The following ERICH6B variants were observed in gnomAD, a reference collection of about 807,000 sequenced individuals.
ERICH6B encodes glutamate-rich protein 6B.
A neutral mutation model predicts 80.0 loss-of-function variants in ERICH6B; 69 were observed. That is an observed-to-expected ratio of 0.86 (90% CI 0.71 to 1.05). ERICH6B has a LOEUF of 1.05. Among genes scored for constraint, ERICH6B ranks in the 50% least tolerant of loss-of-function variants. The pLI, the probability that ERICH6B is intolerant of heterozygous loss-of-function variation, is 0.00. For missense variants in ERICH6B, 754 were observed against 796.1 expected (o/e 0.95, Z 0.64); for synonymous variants, 283 against 291.9 (o/e 0.97, Z 0.31).
At chr13:45,574,316 C>T (rs1011997867) in intron 8 of ERICH6B, among the ~76,000 whole-genome samples, 1 of 152,216 alleles carries the variant, frequency 6.6e-6, no homozygotes, top group Non-Finnish European at 1.5e-5. Flanking sequence ...ATAGGCAAAA[C>T]ATTCATGTGG....
intron 12 of ERICH6B, 52 bp from the exon 13 acceptor site, chr13:45,550,097 G>T (rs1339573920): frequency 3.9e-6 from 6 of 1,546,618 alleles, no homozygotes; most frequent in Non-Finnish European, 4.4e-6. Context: ...CCCTGGAAAA[G>T]GTAGGGCCCT....
chr13:45,549,103 G>A (rs1874104438), intron 13 of ERICH6B, among the ~76,000 whole-genome samples: 1 of 152,108 alleles, frequency 6.6e-6, no homozygotes, highest in Admixed American at 6.6e-5. Flanking sequence ...GGCCAACATG[G>A]TGAAACACCA....
chr13:45,598,759 G>A lies in ERICH6B; in HGVS notation c.-58-1696C>T, dbSNP rs565613003. Reference sequence around the variant, plus strand: ...TTCAAAGAAGGACTTGCCGCCCAGCGGTGAGGAGTGTGGTCAACAGGTGGC... The same window carrying A: ...TTCAAAGAAGGACTTGCCGCCCAGCAGTGAGGAGTGTGGTCAACAGGTGGC... On this transcript the variant is annotated intron_variant, in intron 2 of 14. Coordinates refer to ENST00000298738, the MANE Select transcript of ERICH6B (RefSeq NM_182542.3). 4.6e-5 allele frequency among the ~76,000 whole-genome samples: 7 copies of A among 152,276 alleles called. No individual in the cohort carries two copies. In the South Asian group the frequency reaches 1.2e-3, roughly 27 times the overall value.
chr13:45,596,317 C>T (rs1031046745), intron 3 of ERICH6B, 52 bp downstream of exon 3: 4 of 1,499,828 alleles, frequency 2.7e-6, no homozygotes, highest in Non-Finnish European at 3.6e-6. Flanking sequence ...ACCTTCTTTC[C>T]CTTTCAGATA....
chr13:45,559,685 C>T (rs1054411702), intron 11 of ERICH6B, among the ~76,000 whole-genome samples: 1 of 152,224 alleles, frequency 6.6e-6, no homozygotes, highest in East Asian at 1.9e-4. Context: ...TATTTAATTT[C>T]CATATATTTG....
Position 45,561,490 on chromosome 13 carries a change from T to C in ERICH6B, c.1286A>G (p.His429Arg). 1.9e-6 allele frequency: 3 copies of C among 1,551,944 alleles called. No homozygotes were observed. The highest frequency in any genetic ancestry group is 2.4e-5 in the South Asian group (2 of 84,064). ...KLTEMTSFTF[H>R]LMSKPTPEKP... ...CTCAGGTGTTGGTTTGCTCATTAAA[T>C]GAAATGTGAAACTGGTCATCTCTGT... The change falls in exon 11 of 15, where the codon CAT (histidine) becomes CGT (arginine). Residue 429 changes from histidine (H) to arginine (R), a missense_variant. Transcript: ENST00000298738.
intron 8 of ERICH6B, among the ~76,000 whole-genome samples, chr13:45,570,090 C>T (rs1006776802): frequency 1.3e-5 from 2 of 152,202 alleles, no homozygotes; most frequent in Non-Finnish European, 2.9e-5. Flanking sequence ...CCACCCCACT[C>T]TATGCAGCCA....
chr13:45,591,825 T>G (rs1221821363), intron 3 of ERICH6B, among the ~76,000 whole-genome samples: 2 of 152,202 alleles, frequency 1.3e-5, no homozygotes, highest in Non-Finnish European at 2.9e-5. Context: ...TAGCTTTATT[T>G]ATATTTGAAT....
In ERICH6B at chr13:45,563,731, A is replaced by C; in HGVS notation, c.1245T>G (p.Arg415=). 1 of 1,552,266 alleles carries C rather than the reference A, an allele frequency of 6.4e-7. No homozygotes were observed. Among genetic ancestry groups the C allele is most frequent in the Non-Finnish European group, 8.7e-7 (1 of 1,147,094 alleles). ...AAATGGTGGAGTGGTGCCTACCTTC[A>C]CGTCTCCTCTTAATCCGTAAGATTG... ...KETILRIKRR[R]EAQKLTEMTS... Residue 415 remains arginine (R), a synonymous_variant, in exon 10 of 15, where the codon CGT becomes CGG. Coordinates refer to ENST00000298738, the MANE Select transcript of ERICH6B (RefSeq NM_182542.3).
rs149833217 is a variant in ERICH6B at position 45,583,565 on chromosome 13, T to C, written c.857-2900A>G. Reference sequence around the variant, plus strand: ...TTCCCCATCTGATATGGTTTGGCTGTGTCCCTACCCAAATCTCATCTTGAA... The same window carrying C: ...TTCCCCATCTGATATGGTTTGGCTGCGTCCCTACCCAAATCTCATCTTGAA... On this transcript the variant is annotated intron_variant, in intron 5 of 14. Transcript: ENST00000298738. Among the ~76,000 whole-genome samples the C allele has an allele frequency of 7.0e-3, 1,063 of 152,364 alleles. 8 individuals are homozygous for C. The highest frequency in any genetic ancestry group is 7.2e-3 in the Non-Finnish European group (492 of 68,040).
chr13:45,591,530 A>T (rs965149777), intron 3 of ERICH6B, among the ~76,000 whole-genome samples: 12 of 152,200 alleles, frequency 7.9e-5, no homozygotes, highest in African/African-American at 2.9e-4. Context: ...CAGGAGGCGG[A>T]GCTTGCACTG....
chr13:45,580,010 G>A (rs771750644), intron 6 of ERICH6B, 36 bp from the exon 7 acceptor site: 25 of 1,488,306 alleles, frequency 1.7e-5, no homozygotes, highest in African/African-American at 2.8e-5. Context: ...AACAGGATAC[G>A]GTATAGTGAA....
chr13:45,569,112 G>A (rs1875044443), intron 8 of ERICH6B, among the ~76,000 whole-genome samples: 1 of 151,962 alleles, frequency 6.6e-6, no homozygotes, highest in African/African-American at 2.4e-5. Flanking sequence ...TTCTTCCAAA[G>A]TAATGATGTT....
chr13:45,553,230 C>A, intron 11 of ERICH6B: 1 of 205,910 alleles, frequency 4.9e-6, no homozygotes, highest in Non-Finnish European at 1.0e-5. Context: ...TTGAATGTCT[C>A]CAGTGAGGCC....
At chr13:45,591,025 G>C (rs905226881) in intron 3 of ERICH6B, among the ~76,000 whole-genome samples, 1 of 152,124 alleles carries the variant, frequency 6.6e-6, no homozygotes, top group Non-Finnish European at 1.5e-5. Flanking sequence ...GAGGTGCAGG[G>C]GATATATGTA....
chr13:45,574,808 T>G lies in ERICH6B; in HGVS notation c.1050+34A>C, dbSNP rs568485592. The stretch of plus-strand genomic sequence containing the variant: ...GGGCCACCCTACATTTGGAGGAAGC[T>G]GGGGGGGGGGTCTCAAGTTTTTATC... On this transcript the variant is annotated intron_variant, in intron 8 of 14. Transcript: ENST00000298738. The G allele has an allele frequency of 2.8e-5, 37 of 1,330,406 alleles. No homozygotes were observed. The African/African-American group carries it at 4.0e-4, about 15-fold the overall frequency. 82.4% of individuals were successfully genotyped at this position (1,330,406 alleles called of 1,614,324 possible).
In ERICH6B at chr13:45,550,172, G is replaced by T. The variant is rs548140382; in HGVS notation, c.1493+59C>A. The T allele has an allele frequency of 1.0e-4, 154 of 1,535,592 alleles. No individual in the cohort carries two copies. The African/African-American group carries it at 1.7e-3, about 17-fold the overall frequency. On this transcript the variant is annotated intron_variant, in intron 12 of 14. Coordinates refer to ENST00000298738, the MANE Select transcript of ERICH6B (RefSeq NM_182542.3). Reference sequence around the variant, plus strand: ...CAAACCCCTTACCCCATAAAAAATCGTAGACATTTTAGGTGCCAATATATG... The same window carrying T: ...CAAACCCCTTACCCCATAAAAAATCTTAGACATTTTAGGTGCCAATATATG...
At chr13:45,597,838 G>A (rs982074296) in intron 2 of ERICH6B, among the ~76,000 whole-genome samples, 2 of 151,940 alleles carry the variant, frequency 1.3e-5, no homozygotes, top group Non-Finnish European at 2.9e-5. Context: ...ATTCTTTTTT[G>A]AAAATAGATT....
intron 4 of ERICH6B, among the ~76,000 whole-genome samples, chr13:45,588,716 C>T (rs1359231225): frequency 6.6e-6 from 1 of 152,238 alleles, no homozygotes; most frequent in Non-Finnish European, 1.5e-5. Flanking sequence ...TACTTTTCCC[C>T]CCAGACACTG....
Sources: allele counts gnomAD v4.1 joint callset (sites outside exome capture counted in the v4.1 genomes callset), GRCh38; gene constraint gnomAD v4.1.1; transcripts MANE v1.5; gene names NCBI Gene and HGNC (gene_info 2026-07-23, HGNC 2026-07-21).